ZNF280B: variants seen among roughly 807,000 people sequenced by gnomAD.
ZNF280B encodes suppressor of hairy wing homolog 2.
A neutral mutation model predicts 38.0 loss-of-function variants in ZNF280B; 16 were observed. The ratio of observed to expected loss-of-function variants is 0.42; its 90% confidence interval spans 0.28 to 0.64. The LOEUF is 0.64. ZNF280B is among the 30% of genes least tolerant of loss of function. The pLI, the probability that ZNF280B is intolerant of heterozygous loss-of-function variation, is 0.21. For synonymous variants in ZNF280B, 253 were observed against 230.6 expected, an observed-to-expected ratio of 1.10 and a Z score of -0.88; for missense variants, 581 against 639.6, an observed-to-expected ratio of 0.91 and a Z score of 0.99.
intron 2 of ZNF280B, among the ~76,000 whole-genome samples, chr22:22,506,965 T>TA (rs1569187976): frequency 1.3e-5 from 2 of 151,906 alleles, no homozygotes; most frequent in Non-Finnish European, 2.9e-5. Flanking sequence ...ATCAAGCACA[T>TA]ACAGCAGGAA....
chr22:22,498,276 T>C (rs920889155), intron 2 of ZNF280B, among the ~76,000 whole-genome samples: 2 of 151,968 alleles, frequency 1.3e-5, no homozygotes, highest in African/African-American at 4.8e-5. Flanking sequence ...CAGAACTAGA[T>C]AGAGGCAGCA....
At chr22:22,490,400 T>C (rs575615018) in intron 3 of ZNF280B, among the ~76,000 whole-genome samples, 1 of 152,150 alleles carries the variant, frequency 6.6e-6, no homozygotes, top group South Asian at 2.1e-4. Flanking sequence ...ATACTGCTCC[T>C]GCAGTTATCT....
At chr22:22,503,338 T>C (rs1443289295) in intron 2 of ZNF280B, among the ~76,000 whole-genome samples, 1 of 151,988 alleles carries the variant, frequency 6.6e-6, no homozygotes, top group Non-Finnish European at 1.5e-5. Context: ...TATATAATAC[T>C]AAAAACCATT....
At position 22,486,637 on chromosome 22, in the gene ZNF280B, G is replaced by A. The variant is rs1232104049; in HGVS notation, c.*1130C>T. 1 of 152,024 alleles carries A rather than the reference G, an allele frequency of 6.6e-6. No homozygotes were observed. Among genetic ancestry groups the A allele is most frequent in the Non-Finnish European group, 1.5e-5 (1 of 68,016 alleles). 9.4% of individuals were successfully genotyped at this position (152,024 alleles called of 1,614,324 possible). On this transcript the variant is annotated 3_prime_UTR_variant, in exon 4 of 4. Transcript: ENST00000626650. ...CAGGCACCATTCTATTAATTTTATT[G>A]CTATTTCACCTCAAACCAATGATAC...
Position 22,487,939 on chromosome 22 carries a change from T to G in ZNF280B, c.1460A>C (p.Lys487Thr). Reference protein sequence around the residue: ...EHKTQCHQMFKKPKQLEGLPP... With the variant: ...EHKTQCHQMFTKPKQLEGLPP... ...TAATCCTTCTAGTTGCTTAGGCTTCTTAAACATTTGATGACACTGGGTCTT... is the reference window on the plus strand; with the variant it reads ...TAATCCTTCTAGTTGCTTAGGCTTCGTAAACATTTGATGACACTGGGTCTT... The change falls in exon 4 of 4, where the codon AAG becomes ACG. Residue 487 changes from lysine (K) to threonine (T), a missense_variant. Transcript: ENST00000626650. 1 of 1,613,788 alleles carries G rather than the reference T, an allele frequency of 6.2e-7. No homozygotes were observed. The highest frequency in any genetic ancestry group is 8.5e-7 in the Non-Finnish European group (1 of 1,179,938).
chr22:22,488,557 G>C lies in ZNF280B; in HGVS notation c.842C>G (p.Pro281Arg). 1 of 1,613,812 alleles carries C rather than the reference G, an allele frequency of 6.2e-7. No individual in the cohort carries two copies. Among genetic ancestry groups the C allele is most frequent in the Non-Finnish European group, 8.5e-7 (1 of 1,179,960 alleles). ...GTAAAAGTCACTAAGTAACACAATGGGATTTTCTTTCTTGGGATCAAAGGT... is the reference window on the plus strand; with the variant it reads ...GTAAAAGTCACTAAGTAACACAATGCGATTTTCTTTCTTGGGATCAAAGGT... ...NKTFDPKKEN[P>R]IVLLSDFYYG... The change falls in exon 4 of 4, where the codon CCC becomes CGC. Residue 281 changes from proline (P) to arginine (R), a missense_variant. Pro to Arg is a moderately radical substitution (Grantham distance 103). Coordinates refer to ENST00000626650, the MANE Select transcript of ZNF280B (RefSeq NM_080764.4).
rs2061520110 is a variant in ZNF280B, at chr22:22,487,662, TCAC to T, written c.*102_*104del. On this transcript the variant is annotated 3_prime_UTR_variant, in exon 4 of 4. Transcript: ENST00000626650. Reference sequence around the variant, plus strand: ...AAAAGTCATATATAATCCACTAGTTTCACTATTTTTGGTGCTACTGAATAATGT... The same window carrying T: ...AAAAGTCATATATAATCCACTAGTTTTATTTTTGGTGCTACTGAATAATGT... The T allele has an allele frequency of 3.4e-6, 3 of 880,568 alleles. No individual in the cohort carries two copies. In the South Asian group the frequency reaches 5.4e-5, roughly 16 times the overall value. 54.5% of individuals were successfully genotyped at this position (880,568 alleles called of 1,614,324 possible). A position where few individuals can be genotyped will look rare whatever the true frequency, so the allele number is the denominator to read the frequency against.
chr22:22,509,124 T>TG (rs1278665308), upstream of ZNF280B: 6 of 152,096 alleles, frequency 3.9e-5, no homozygotes, highest in Non-Finnish European at 7.3e-5. Flanking sequence ...GGGCTTGGGG[T>TG]GGGGGGTAGG....
At chr22:22,503,051 A>G (rs1444566543) in intron 2 of ZNF280B, among the ~76,000 whole-genome samples, 1 of 152,008 alleles carries the variant, frequency 6.6e-6, no homozygotes, top group African/African-American at 2.4e-5. Flanking sequence ...ACAAACTAGA[A>G]GATGCAAAGA....
At chr22:22,506,442 G>A (rs1309092520) in intron 2 of ZNF280B, among the ~76,000 whole-genome samples, 6 of 151,808 alleles carry the variant, frequency 4.0e-5, no homozygotes, top group Non-Finnish European at 5.9e-5. Context: ...ATAAAATCAC[G>A]AAAATCAACT....
rs1351595668 is a variant in ZNF280B at position 22,486,139 on chromosome 22, A to G, written c.*1628T>C. On this transcript the variant is annotated 3_prime_UTR_variant, in exon 4 of 4. Coordinates refer to ENST00000626650, the MANE Select transcript of ZNF280B (RefSeq NM_080764.4). ...AGACCCAAACAGCATTAGTGTCAAA[A>G]AACTGGGAAACTATACATTTAACAG... 1.3e-5 allele frequency: 2 copies of G among 152,038 alleles called. No individual in the cohort carries two copies. Among genetic ancestry groups the G allele is most frequent in the Non-Finnish European group, 2.9e-5 (2 of 68,018 alleles). 9.4% of individuals were successfully genotyped at this position (152,038 alleles called of 1,614,324 possible). A position where few individuals can be genotyped will look rare whatever the true frequency, so the allele number is the denominator to read the frequency against.
At chr22:22,491,126 A>G (rs1417714074) in intron 3 of ZNF280B, among the ~76,000 whole-genome samples, 2 of 151,916 alleles carry the variant, frequency 1.3e-5, no homozygotes, top group African/African-American at 2.4e-5. Context: ...TGTCTGGCAC[A>G]GGACAGGTGC....
chr22:22,498,789 T>A (rs1214855683), intron 2 of ZNF280B, among the ~76,000 whole-genome samples: 2 of 124,212 alleles, frequency 1.6e-5, no homozygotes, highest in South Asian at 2.7e-4. Context: ...TACAGGCCAA[T>A]ATCCTTTTTT....
chr22:22,493,591 G>A (rs2061638869), intron 3 of ZNF280B, among the ~76,000 whole-genome samples: 1 of 151,834 alleles, frequency 6.6e-6, no homozygotes, highest in Admixed American at 6.6e-5. Context: ...TACCTTATAA[G>A]CCATTTTAAA....
chr22:22,506,244 T>C (rs2061936656), intron 2 of ZNF280B, among the ~76,000 whole-genome samples: 1 of 151,764 alleles, frequency 6.6e-6, no homozygotes, highest in Non-Finnish European at 1.5e-5. Flanking sequence ...AAAAGAGGTC[T>C]GAGATCTAAG....
At chr22:22,503,509 G>C (rs551156582) in intron 2 of ZNF280B, among the ~76,000 whole-genome samples, 31 of 152,000 alleles carry the variant, frequency 2.0e-4, no homozygotes, top group East Asian at 1.6e-3. Context: ...AAGGATAATG[G>C]AACAATGCAA....
intron 2 of ZNF280B, among the ~76,000 whole-genome samples, chr22:22,503,991 T>C (rs573178582): frequency 6.6e-6 from 1 of 152,114 alleles, no homozygotes; most frequent in African/African-American, 2.4e-5. Flanking sequence ...TATACAACAC[T>C]AATGCTAAAG....
rs901064270 is a variant in ZNF280B, at chr22:22,488,427, G to A, written c.972C>T (p.His324=). The A allele has an allele frequency of 3.1e-6, 5 of 1,613,844 alleles. No individual in the cohort carries two copies. Among genetic ancestry groups the A allele is most frequent in the Non-Finnish European group, 4.2e-6 (5 of 1,179,980 alleles). ...KVLKNVKFMN[H]VKHHLEFEKQ... is the part of the protein sequence containing the mutation. ...TCTCAAATTCCAAATGATGCTTCAC[G>A]TGATTCATAAACTTAACATTTTTTA... is the stretch of plus-strand genomic sequence containing the variant. Residue 324 remains histidine, a synonymous_variant, in exon 4 of 4, where the codon CAC becomes CAT. Transcript: ENST00000626650.
chr22:22,503,642 G>A (rs9620096), intron 2 of ZNF280B, among the ~76,000 whole-genome samples: 7,131 of 151,922 alleles, frequency 0.047, 593 homozygotes, highest in African/African-American at 0.16. Flanking sequence ...ACTCTTCTCC[G>A]ATACCAAGGA....
Sources: allele counts gnomAD v4.1 joint callset (sites outside exome capture counted in the v4.1 genomes callset), GRCh38; gene constraint gnomAD v4.1.1; transcripts MANE v1.5; gene names NCBI Gene and HGNC (gene_info 2026-07-23, HGNC 2026-07-21).